Variants in STAM observed in about 807,000 individuals in gnomAD.
STAM encodes signal transducing adaptor molecule, also known as signal transducing adapter molecule 1.
Under a neutral mutation model 63.4 loss-of-function variants are expected in STAM, and 16 were observed. The ratio of observed to expected loss-of-function variants is 0.25; its 90% CI spans 0.17 to 0.38. STAM has a LOEUF of 0.38. Among genes scored for constraint, STAM ranks in the 10% least tolerant of loss-of-function variants. STAM has a pLI of 1.00. For synonymous variants in STAM, 238 were observed against 223.9 expected (o/e 1.06, Z -0.56); for missense variants, 636 against 657.1 (o/e 0.97, Z 0.35).
chr10:17,659,154 A>G (rs1834061505), intron 1 of STAM, among the ~76,000 whole-genome samples: 1 of 151,942 alleles, frequency 6.6e-6, no homozygotes, highest in South Asian at 2.1e-4. Flanking sequence ...TTCAAGATAC[A>G]TTCACAACTA....
chr10:17,667,767 G>A (rs781893567), intron 2 of STAM, among the ~76,000 whole-genome samples: 4 of 152,238 alleles, frequency 2.6e-5, no homozygotes, highest in Non-Finnish European at 5.9e-5. Context: ...TAATTTTAAT[G>A]TTGAAAAGAG....
At chr10:17,690,871 A>G (rs1365072129) in intron 5 of STAM, among the ~76,000 whole-genome samples, 2 of 152,210 alleles carry the variant, frequency 1.3e-5, no homozygotes, top group African/African-American at 4.8e-5. Flanking sequence ...TAATAAGACA[A>G]GTGTTATTGT....
intron 1 of STAM, among the ~76,000 whole-genome samples, chr10:17,649,366 C>T (rs1833646683): frequency 6.6e-6 from 1 of 150,424 alleles, no homozygotes; most frequent in Non-Finnish European, 1.5e-5. Context: ...GCACTCTTGC[C>T]TGGGCAAGAG....
chr10:17,696,440 T>TTATAGG (rs1835761570), intron 7 of STAM, among the ~76,000 whole-genome samples: 1 of 152,184 alleles, frequency 6.6e-6, no homozygotes, highest in African/African-American at 2.4e-5. Context: ...AGAGCCTGTC[T>TTATAGG]TTATAGCTCA....
At chr10:17,682,440 G>A (rs781991721) in intron 2 of STAM, among the ~76,000 whole-genome samples, 8 of 152,178 alleles carry the variant, frequency 5.3e-5, no homozygotes, top group Non-Finnish European at 7.4e-5. Context: ...CTTATAAAGA[G>A]TACTGGGTAG....
chr10:17,714,963 C>CCT lies in STAM; in HGVS notation c.*184_*185insTC, dbSNP rs1466813742. 15 of 604,726 alleles carry CCT rather than the reference C, an allele frequency of 2.5e-5. No homozygotes were observed. Among genetic ancestry groups the CCT allele is most frequent in the Non-Finnish European group, 1.4e-5 (5 of 344,978 alleles). The allele number at this position is 604,726 out of a possible 1,614,324, so 37.5% of individuals were successfully genotyped here. Reference sequence around the variant, plus strand: ...CACTGACTTTTTAGAGGTTCTTCCCCCCCCGCCCCTGCAGAGGAATGAAAC... The same window carrying CCT: ...CACTGACTTTTTAGAGGTTCTTCCCCCTCCCCGCCCCTGCAGAGGAATGAAAC... On this transcript the variant is annotated 3_prime_UTR_variant, in exon 14 of 14. Transcript: ENST00000377524.
intron 5 of STAM, among the ~76,000 whole-genome samples, chr10:17,690,373 A>G (rs1377869982): frequency 2.6e-5 from 4 of 152,256 alleles, no homozygotes; most frequent in African/African-American, 7.2e-5. Context: ...TAGTAAAGAT[A>G]GGACTTAATT....
At chr10:17,687,909 A>G (rs1835360624) in intron 4 of STAM, 118 bp from the exon 5 acceptor site, 4 of 764,836 alleles carry the variant, frequency 5.2e-6, no homozygotes, top group South Asian at 6.8e-5. Context: ...TCTTGTCTAT[A>G]GCTATGCATA....
chr10:17,667,580 A>C (rs551490284), intron 2 of STAM, among the ~76,000 whole-genome samples: 49 of 152,346 alleles, frequency 3.2e-4, no homozygotes, highest in African/African-American at 1.2e-3. Context: ...TTGGCTATAC[A>C]GTGGTGAATA....
rs143008089 is a variant in STAM, at chr10:17,699,021, G to A, written c.824-1170G>A. Among the ~76,000 whole-genome samples, 209 of 152,174 alleles carry A rather than the reference G, an allele frequency of 1.4e-3. 1 individual carries two copies. The highest frequency in any genetic ancestry group is 6.8e-3 in the Middle Eastern group (2 of 292). On this transcript the variant is annotated intron_variant, in intron 8 of 13. Transcript: ENST00000377524. ...TTAGGTTGGAAATTAAGCTATTTCT[G>A]TGTTATACAGAAGCACACAACACGG...
intron 2 of STAM, among the ~76,000 whole-genome samples, chr10:17,682,235 T>G (rs1835117522): frequency 1.3e-5 from 2 of 152,212 alleles, no homozygotes; most frequent in Admixed American, 6.5e-5. Context: ...AATGAAATAG[T>G]ATTGTCAGTA....
intron 1 of STAM, among the ~76,000 whole-genome samples, chr10:17,648,980 T>C (rs554241199): frequency 6.6e-6 from 1 of 152,328 alleles, no homozygotes; most frequent in African/African-American, 2.4e-5. Flanking sequence ...CCTCTGTAGC[T>C]ATATGGTACT....
intron 6 of STAM, among the ~76,000 whole-genome samples, chr10:17,694,737 T>C (rs952374222): frequency 6.6e-6 from 1 of 152,222 alleles, no homozygotes; most frequent in Admixed American, 6.5e-5. Context: ...AAGGAAAATA[T>C]CTGCAGCTAA....
chr10:17,701,894 AAC>A (rs59936398), intron 9 of STAM, among the ~76,000 whole-genome samples: 14,585 of 152,236 alleles, frequency 0.096, 760 homozygotes, highest in Middle Eastern at 0.15. Flanking sequence ...ATGACTAGTT[AAC>A]ACAGCTGAGA....
intron 13 of STAM, among the ~76,000 whole-genome samples, chr10:17,711,639 C>T (rs1286169542): frequency 6.6e-6 from 1 of 152,090 alleles, no homozygotes; most frequent in Non-Finnish European, 1.5e-5. Context: ...GATGTGGTAG[C>T]CTGGAATGGC....
At chr10:17,710,918 C>G (rs1589118826) in intron 13 of STAM, among the ~76,000 whole-genome samples, 1 of 152,236 alleles carries the variant, frequency 6.6e-6, no homozygotes, top group Admixed American at 6.5e-5. Context: ...TATGTAATAT[C>G]TGTTTATCAA....
chr10:17,651,056 G>C (rs977870569), intron 1 of STAM, among the ~76,000 whole-genome samples: 2 of 107,748 alleles, frequency 1.9e-5, no homozygotes, highest in South Asian at 6.5e-4. Context: ...CAGAGCGAGA[G>C]TCCGTCTCAA....
At chr10:17,705,523 CATT>C (rs1836220937) in intron 11 of STAM, 62 bp from the exon 12 acceptor site, 2 of 1,513,960 alleles carry the variant, frequency 1.3e-6, no homozygotes, top group East Asian at 2.3e-5. Context: ...TTTGATGTAT[CATT>C]ATTTAGAGCA....
intron 2 of STAM, among the ~76,000 whole-genome samples, chr10:17,672,241 A>G (rs1834670891): frequency 6.6e-6 from 1 of 152,224 alleles, no homozygotes; most frequent in Non-Finnish European, 1.5e-5. Flanking sequence ...GTATACCTAT[A>G]AGTAGATAGA....
Sources: gnomAD v4.1 joint callset for allele counts (sites outside exome capture counted in the v4.1 genomes callset) on GRCh38, gnomAD v4.1.1 for gene constraint, MANE v1.5 for transcripts, NCBI Gene and HGNC (gene_info 2026-07-23, HGNC 2026-07-21) for gene names.